The following LRBA variants were observed in gnomAD, a reference collection of about 807,000 sequenced individuals.
The protein encoded by LRBA is lipopolysaccharide-responsive and beige-like anchor protein.
LRBA carries 176 observed loss-of-function variants against 330.0 expected under a neutral mutation model. The observed-to-expected ratio is 0.53, with a 90% CI of 0.47 to 0.60. The LOEUF is 0.60. Ranked by LOEUF, LRBA falls within the 20% of genes least tolerant of loss-of-function variation. The pLI is 0.00. For missense variants in LRBA, 3,259 were observed against 3,444.8 expected, an observed-to-expected ratio of 0.95 and a Z score of 1.35; for synonymous variants, 1,230 against 1,193.0, an observed-to-expected ratio of 1.03 and a Z score of -0.64.
intron 46 of LRBA, among the ~76,000 whole-genome samples, chr4:150,419,726 C>T (rs1484889735): frequency 1.3e-5 from 2 of 149,344 alleles, no homozygotes; most frequent in Non-Finnish European, 3.0e-5. Flanking sequence ...CAACCTCTGC[C>T]TCCTGAGTTC....
intron 13 of LRBA, among the ~76,000 whole-genome samples, chr4:150,901,792 T>C (rs1730756359): frequency 6.6e-6 from 1 of 152,212 alleles, no homozygotes; most frequent in South Asian, 2.1e-4. Context: ...TACAATACAT[T>C]GTGATCTACT....
chr4:150,954,786 A>G (rs1249665756), intron 2 of LRBA, among the ~76,000 whole-genome samples: 1 of 143,284 alleles, frequency 7.0e-6, no homozygotes, highest in African/African-American at 2.8e-5. Context: ...TTTTTTAAAA[A>G]TTAAAAAAAA....
chr4:150,516,560 T>C (rs1348107680), intron 40 of LRBA, among the ~76,000 whole-genome samples: 2 of 151,922 alleles, frequency 1.3e-5, no homozygotes, highest in Admixed American at 6.6e-5. Flanking sequence ...TAATATACAA[T>C]ACTTATAAAA....
At chr4:150,900,535 C>T (rs1730607818) in intron 13 of LRBA, among the ~76,000 whole-genome samples, 1 of 152,122 alleles carries the variant, frequency 6.6e-6, no homozygotes, top group Non-Finnish European at 1.5e-5. Context: ...GCATGTGTAA[C>T]TTCTTTATAA....
At chr4:150,590,562 C>T (rs1368927265) in intron 39 of LRBA, 151 bp downstream of exon 39, 10 of 621,596 alleles carry the variant, frequency 1.6e-5, no homozygotes, top group Admixed American at 9.4e-5. Context: ...AAAGGAGAAA[C>T]TGTAGAAGGG....
chr4:150,994,696 T>C (rs1742453504), intron 2 of LRBA, among the ~76,000 whole-genome samples: 1 of 152,046 alleles, frequency 6.6e-6, no homozygotes, highest in Non-Finnish European at 1.5e-5. Flanking sequence ...ACAAAGACCA[T>C]AAGAGAATGA....
intron 47 of LRBA, among the ~76,000 whole-genome samples, chr4:150,392,380 A>G (rs559204429): frequency 6.6e-6 from 1 of 152,302 alleles, no homozygotes; most frequent in Non-Finnish European, 1.5e-5. Context: ...AGGGGGAAAG[A>G]GAGAGCAGAG....
chr4:150,482,889 A>G (rs1387602198), intron 42 of LRBA, among the ~76,000 whole-genome samples: 1 of 152,010 alleles, frequency 6.6e-6, no homozygotes, highest in African/African-American at 2.4e-5. Flanking sequence ...CTTGTTATAT[A>G]GTATGTTTCC....
chr4:150,903,814 T>G (rs1148645), intron 13 of LRBA, among the ~76,000 whole-genome samples: 14,926 of 152,176 alleles, frequency 0.098, 1,039 homozygotes, highest in South Asian at 0.29. Flanking sequence ...TGAATAAACC[T>G]TCCCTCATTC....
chr4:150,638,404 C>G (rs1396564173), intron 37 of LRBA, among the ~76,000 whole-genome samples: 1 of 152,216 alleles, frequency 6.6e-6, no homozygotes, highest in Non-Finnish European at 1.5e-5. Context: ...CAACATTATA[C>G]TTCCTGGTAT....
chr4:150,708,220 T>G (rs1785826878), intron 36 of LRBA, among the ~76,000 whole-genome samples: 1 of 151,836 alleles, frequency 6.6e-6, no homozygotes, highest in South Asian at 2.1e-4. Flanking sequence ...TGTCAGCTCC[T>G]GCTACAATAA....
chr4:150,709,416 G>A (rs534834294), intron 36 of LRBA, among the ~76,000 whole-genome samples: 1 of 152,022 alleles, frequency 6.6e-6, no homozygotes, highest in Admixed American at 6.5e-5. Flanking sequence ...AAGACCTAAA[G>A]CAACCCATTG....
chr4:150,813,291 G>A lies in LRBA; in HGVS notation c.5305+3833C>T, dbSNP rs149955694. 5.9e-5 allele frequency among the ~76,000 whole-genome samples: 9 copies of A among 151,698 alleles called. No individual in the cohort carries two copies. In the East Asian group the frequency reaches 1.7e-3, roughly 29 times the overall value. On this transcript the variant is annotated intron_variant, in intron 31 of 56. Transcript: ENST00000651943. ...TGATATATTTACTAAAATCACTTTC[G>A]CTTTTCTTTGAAAACATGCATATAC...
chr4:150,308,842 G>T (rs996391687), intron 52 of LRBA, among the ~76,000 whole-genome samples: 4 of 152,114 alleles, frequency 2.6e-5, no homozygotes, highest in Admixed American at 2.6e-4. Context: ...GTTATTACAA[G>T]AATTGAAAAG....
At position 150,896,467 on chromosome 4, in the gene LRBA, A is replaced by G; in HGVS notation, c.2005-11T>C. The G allele has an allele frequency of 1.4e-6, 2 of 1,427,194 alleles. No homozygotes were observed. The highest frequency in any genetic ancestry group is 1.9e-6 in the Non-Finnish European group (2 of 1,027,408). The allele number at this position is 1,427,194 out of a possible 1,614,324, so 88.4% of individuals were successfully genotyped here. A position where few individuals can be genotyped will look rare whatever the true frequency, so the allele number is the denominator to read the frequency against. ...CTTTACTCCAGAATCCTTCAAAAAC[A>G]TAATACAGGTATCTTACGTTTACAT... On this transcript the variant is annotated splice_polypyrimidine_tract_variant and intron_variant, in intron 15 of 56. Coordinates refer to ENST00000651943, the MANE Select transcript of LRBA (RefSeq NM_001364905.1).
intron 47 of LRBA, among the ~76,000 whole-genome samples, chr4:150,393,405 C>G (rs1416716236): frequency 6.6e-6 from 1 of 151,538 alleles, no homozygotes; most frequent in Non-Finnish European, 1.5e-5. Flanking sequence ...CCCCCCACCT[C>G]TACAATTCTA....
intron 40 of LRBA, among the ~76,000 whole-genome samples, chr4:150,511,374 G>C (rs1761812432): frequency 6.6e-6 from 1 of 152,118 alleles, no homozygotes; most frequent in African/African-American, 2.4e-5. Flanking sequence ...TCTGCTTTTA[G>C]TCATATAGGG....
chr4:150,734,168 C>T (rs2127138103), intron 36 of LRBA, among the ~76,000 whole-genome samples: 1 of 152,084 alleles, frequency 6.6e-6, no homozygotes, highest in East Asian at 1.9e-4. Context: ...ATACGGCTGG[C>T]AGCTAACAAT....
chr4:150,620,972 C>T (rs1312787758), intron 37 of LRBA, among the ~76,000 whole-genome samples: 1 of 152,000 alleles, frequency 6.6e-6, no homozygotes, highest in East Asian at 1.9e-4. Context: ...AACTTAGAGC[C>T]ACATATTAGT....
Sources: allele counts gnomAD v4.1 joint callset (sites outside exome capture counted in the v4.1 genomes callset), GRCh38; gene constraint gnomAD v4.1.1; transcripts MANE v1.5; gene names NCBI Gene and HGNC (gene_info 2026-07-23, HGNC 2026-07-21).